The following COL4A6 variants were observed in gnomAD, a reference collection of about 807,000 sequenced individuals.
COL4A6 encodes collagen type IV alpha 6 chain, also known as collagen alpha-6(IV) chain.
COL4A6 carries 59 observed loss-of-function variants against 126.7 expected under a neutral mutation model. The ratio of observed to expected loss-of-function variants is 0.47; its 90% CI spans 0.38 to 0.58. The LOEUF (loss-of-function observed/expected upper bound fraction) is 0.58, where lower values mean the gene tolerates loss of function less well. Among genes scored for constraint, COL4A6 ranks in the 20% least tolerant of loss-of-function variants. The pLI is 0.00. For missense variants in COL4A6, 1,285 were observed against 1,337.3 expected (o/e 0.96, Z 0.61); for synonymous variants, 547 against 496.6 (o/e 1.10, Z -1.35).
intron 3 of COL4A6, among the ~76,000 whole-genome samples, chrX:108,221,958 T>A (rs138976399): frequency 8.9e-6 from 1 of 112,526 alleles, no homozygotes; most frequent in African/African-American, 3.2e-5. Context: ...CACATGCACA[T>A]ATACACACAT....
intron 2 of COL4A6, among the ~76,000 whole-genome samples, chrX:108,412,758 C>A (rs1285254625): frequency 8.9e-6 from 1 of 112,335 alleles, no homozygotes. Flanking sequence ...AGGTACACAC[C>A]TGCCAGCTGA....
chrX:108,407,547 C>G (rs1376214300), intron 2 of COL4A6, among the ~76,000 whole-genome samples: 2 of 112,036 alleles, frequency 1.8e-5, no homozygotes, highest in Non-Finnish European at 3.8e-5. Flanking sequence ...AGAAAGAATA[C>G]ACAGATAAAT....
At chrX:108,203,693 A>T (rs2035457066) in intron 12 of COL4A6, among the ~76,000 whole-genome samples, 1 of 112,723 alleles carries the variant, frequency 8.9e-6, no homozygotes. Context: ...TGCACACCTT[A>T]ACAGTACACG....
chrX:108,393,491 T>C (rs747612122), intron 2 of COL4A6, among the ~76,000 whole-genome samples: 1 of 112,041 alleles, frequency 8.9e-6, no homozygotes, highest in East Asian at 2.8e-4. Flanking sequence ...GATAAAGTTA[T>C]AGAGGGATCA....
intron 2 of COL4A6, among the ~76,000 whole-genome samples, chrX:108,336,749 T>G (rs987783402): frequency 9.0e-6 from 1 of 111,615 alleles, no homozygotes; most frequent in African/African-American, 3.2e-5. Context: ...CTTTAAAGCA[T>G]GTATGCATGT....
chrX:108,180,331 T>C (rs1425682178), intron 25 of COL4A6, among the ~76,000 whole-genome samples, 184 bp downstream of exon 25: 3 of 111,764 alleles, frequency 2.7e-5, no homozygotes, highest in Admixed American at 1.9e-4. Context: ...TAATATGCTG[T>C]CATTCTATGG....
chrX:108,365,818 G>T (rs1389029991), intron 2 of COL4A6, among the ~76,000 whole-genome samples: 1 of 111,779 alleles, frequency 8.9e-6, no homozygotes, highest in Non-Finnish European at 1.9e-5. Context: ...GGTGTAGAAA[G>T]CCTTCTTGGA....
intron 42 of COL4A6, among the ~76,000 whole-genome samples, chrX:108,160,932 T>C (rs1389678361): frequency 1.8e-5 from 2 of 112,012 alleles, no homozygotes; most frequent in South Asian, 7.6e-4. Context: ...TAGGCTTCCT[T>C]CCCATAGCCA....
chrX:108,376,037 T>C (rs1369395235), intron 2 of COL4A6, among the ~76,000 whole-genome samples: 1 of 112,246 alleles, frequency 8.9e-6, no homozygotes, highest in Admixed American at 9.5e-5. Flanking sequence ...TTAACTTACA[T>C]CTTTTTTCTG....
Position 108,159,651 on chromosome X carries a change from A to G in COL4A6, c.4623T>C (p.Ser1541=), listed in dbSNP as rs764879526. ...TAGGGGCGGTAGTGGAGAGCCAGTA[A>G]GATTTATCATTGCGCCTGGCATAGT... is the stretch of plus-strand genomic sequence containing the variant. ...VCHYARRNDK[S]YWLSTTAPIP... Residue 1541 remains serine (S), a synonymous_variant, in exon 44 of 45, where the codon TCT becomes TCC. Transcript: ENST00000334504. The G allele has an allele frequency of 5.8e-6, 7 of 1,212,205 alleles. No homozygotes were observed. In the Admixed American group the frequency reaches 1.5e-4, roughly 26 times the overall value.
chrX:108,272,340 C>G (rs886145507), intron 3 of COL4A6, among the ~76,000 whole-genome samples: 21 of 111,951 alleles, frequency 1.9e-4, no homozygotes, highest in East Asian at 1.1e-3. Flanking sequence ...GCATCAAAGC[C>G]TCTGTGTAGC....
At chrX:108,187,738 T>G (rs949140060) in intron 22 of COL4A6, 110 bp downstream of exon 22, 44 of 749,684 alleles carry the variant, frequency 5.9e-5, no homozygotes, top group East Asian at 4.0e-4. Flanking sequence ...CAGGGCAAGG[T>G]CCTCTAGACT....
intron 37 of COL4A6, among the ~76,000 whole-genome samples, chrX:108,165,829 A>G (rs1295955244): frequency 1.8e-5 from 2 of 112,645 alleles, no homozygotes; most frequent in Non-Finnish European, 3.7e-5. Flanking sequence ...AAGTTTCCAA[A>G]GTGATTTTAA....
intron 2 of COL4A6, among the ~76,000 whole-genome samples, chrX:108,364,867 T>C (rs778605790): frequency 1.4e-4 from 16 of 111,560 alleles, no homozygotes; most frequent in South Asian, 1.2e-3. Flanking sequence ...GACGCTTAGG[T>C]TGATTCCATA....
In COL4A6 at chrX:108,281,727, G is replaced by A. The variant is rs374696963; in HGVS notation, c.144+29021C>T. ...AAAAGAACAAAGCTGGAGGCATCAC[G>A]CTACCTGACTTCAAACTATACTACA... On this transcript the variant is annotated intron_variant, in intron 3 of 44. Transcript: ENST00000334504. 5.8e-3 allele frequency among the ~76,000 whole-genome samples: 641 copies of A among 110,273 alleles called. 3 individuals carry two copies. The highest frequency in any genetic ancestry group is 0.019 in the African/African-American group (588 of 30,277).
intron 3 of COL4A6, among the ~76,000 whole-genome samples, chrX:108,278,829 G>A (rs1282650289): frequency 1.8e-5 from 2 of 110,186 alleles, no homozygotes; most frequent in Non-Finnish European, 3.8e-5. Flanking sequence ...GAGAGTGGGG[G>A]CCAATATTCA....
intron 2 of COL4A6, among the ~76,000 whole-genome samples, chrX:108,426,220 G>A (rs900025880): frequency 1.8e-5 from 2 of 111,632 alleles, no homozygotes; most frequent in African/African-American, 6.5e-5. Flanking sequence ...AAGTTGTACA[G>A]AGCAAGGAAA....
At chrX:108,282,629 C>T (rs1453076462) in intron 3 of COL4A6, among the ~76,000 whole-genome samples, 1 of 109,699 alleles carries the variant, frequency 9.1e-6, no homozygotes, top group African/African-American at 3.3e-5. Context: ...CCATTTGACC[C>T]AGCCATCCCA....
intron 3 of COL4A6, among the ~76,000 whole-genome samples, chrX:108,278,554 T>C (rs1358042160): frequency 4.5e-4 from 50 of 110,521 alleles, no homozygotes; most frequent in African/African-American, 1.6e-3. Flanking sequence ...TGCAACCACG[T>C]TGGAAAACAC....
Sources: allele counts gnomAD v4.1 joint callset (sites outside exome capture counted in the v4.1 genomes callset), GRCh38; gene constraint gnomAD v4.1.1; transcripts MANE v1.5; gene names NCBI Gene and HGNC (gene_info 2026-07-23, HGNC 2026-07-21).